Variants in PPP2CA observed in about 807,000 individuals in gnomAD.
PPP2CA encodes the protein serine/threonine-protein phosphatase 2A catalytic subunit alpha isoform.
Under a neutral mutation model 38.8 loss-of-function variants are expected in PPP2CA, and 5 were observed. That is an observed-to-expected ratio of 0.13 (90% CI 0.07 to 0.27). The LOEUF (loss-of-function observed/expected upper bound fraction) is 0.27. Ranked by LOEUF, PPP2CA falls within the 10% of genes least tolerant of loss-of-function variation. PPP2CA has a pLI of 1.00. For missense variants in PPP2CA, 88 were observed against 389.7 expected, an observed-to-expected ratio of 0.23 and a Z score of 6.52; for synonymous variants, 152 against 134.0, an observed-to-expected ratio of 1.13 and a Z score of -0.93.
At chr5:134,215,097 CTTTT>C (rs10715226) in intron 1 of PPP2CA, among the ~76,000 whole-genome samples, 2 of 124,548 alleles carry the variant, frequency 1.6e-5, no homozygotes, top group Non-Finnish European at 3.4e-5. Context: ...TATTTATTTA[CTTTT>C]TTTTTTTTTT....
chr5:134,204,705 C>T (rs779432137), intron 2 of PPP2CA, among the ~76,000 whole-genome samples: 3 of 151,988 alleles, frequency 2.0e-5, no homozygotes, highest in Non-Finnish European at 4.4e-5. Context: ...TGATCCTTCC[C>T]GCCTTCCCCA....
chr5:134,214,945 TA>T (rs1762284849), intron 1 of PPP2CA, among the ~76,000 whole-genome samples: 1 of 152,148 alleles, frequency 6.6e-6, no homozygotes, highest in African/African-American at 2.4e-5. Flanking sequence ...AGCTTCTTTT[TA>T]TATCAGCATC....
At chr5:134,218,669 C>CTTTTTTTTTTTTTTTTTTTT in intron 1 of PPP2CA, among the ~76,000 whole-genome samples, 1 of 144,456 alleles carries the variant, frequency 6.9e-6, no homozygotes, top group Non-Finnish European at 1.5e-5. Flanking sequence ...TTGTTTCTTT[C>CTTTTTTTTTTTTTTTTTTTT]TTTTTTTTTT....
chr5:134,220,408 G>A (rs552818356), intron 1 of PPP2CA, among the ~76,000 whole-genome samples: 30 of 121,128 alleles, frequency 2.5e-4, no homozygotes, highest in African/African-American at 7.0e-4. Context: ...GCAGTGAGCC[G>A]AGATCACACC....
rs2149381937 is a variant in PPP2CA at position 134,196,832 on chromosome 5, C to G, written c.*940G>C. 1 of 152,456 alleles carries G rather than the reference C, an allele frequency of 6.6e-6. No homozygotes were observed. Among genetic ancestry groups the G allele is most frequent in the Non-Finnish European group, 1.5e-5 (1 of 67,998 alleles). The allele number at this position is 152,456 out of a possible 1,614,324, so 9.4% of individuals were successfully genotyped here. Reference sequence around the variant, plus strand: ...GTCTTACTGAAGCAGCACAGATTTCCTTTCTTACAAACAAGTTAATATGCA... The same window carrying G: ...GTCTTACTGAAGCAGCACAGATTTCGTTTCTTACAAACAAGTTAATATGCA... On this transcript the variant is annotated 3_prime_UTR_variant, in exon 7 of 7. Coordinates refer to ENST00000481195, the MANE Select transcript of PPP2CA (RefSeq NM_002715.4).
At chr5:134,205,124 G>A (rs998789925) in intron 2 of PPP2CA, among the ~76,000 whole-genome samples, 6 of 151,780 alleles carry the variant, frequency 4.0e-5, no homozygotes, top group African/African-American at 1.4e-4. Flanking sequence ...TTGTAGACAA[G>A]GTCTCACTAT....
At chr5:134,224,719 C>G (rs1762525678) in intron 1 of PPP2CA, among the ~76,000 whole-genome samples, 1 of 152,186 alleles carries the variant, frequency 6.6e-6, no homozygotes, top group Admixed American at 6.5e-5. Flanking sequence ...CTACCTGTTT[C>G]CCCAACCCCC....
intron 1 of PPP2CA, among the ~76,000 whole-genome samples, chr5:134,212,150 C>T (rs929360074): frequency 1.3e-5 from 2 of 152,294 alleles, no homozygotes; most frequent in South Asian, 4.1e-4. Flanking sequence ...CACACAATAA[C>T]TACAGGCATG....
intron 1 of PPP2CA, among the ~76,000 whole-genome samples, chr5:134,214,442 T>C (rs1402986524): frequency 6.6e-6 from 1 of 152,252 alleles, no homozygotes; most frequent in Non-Finnish European, 1.5e-5. Flanking sequence ...ATTGTGGGAT[T>C]ACAGGGCAAA....
At chr5:134,223,672 C>G (rs955984252) in intron 1 of PPP2CA, among the ~76,000 whole-genome samples, 1 of 152,212 alleles carries the variant, frequency 6.6e-6, no homozygotes, top group Non-Finnish European at 1.5e-5. Flanking sequence ...GCTTCACCCA[C>G]CCCACTCTAG....
Position 134,200,285 on chromosome 5 carries a change from T to C in PPP2CA, c.738+50A>G, listed in dbSNP as rs1488865937. ...ATTTAAAACTCCCTAATATCTTCTT[T>C]CCTTAAGTTTACTAAAAAAACAAGT... On this transcript the variant is annotated intron_variant, in intron 5 of 6. Transcript: ENST00000481195. 12 of 1,537,140 alleles carry C rather than the reference T, an allele frequency of 7.8e-6. No homozygotes were observed. The South Asian group carries it at 1.1e-4, about 15-fold the overall frequency.
At chr5:134,203,584 C>G (rs1762012400) in intron 2 of PPP2CA, 1 of 152,238 alleles carries the variant, frequency 6.6e-6, no homozygotes, top group Admixed American at 6.5e-5. Context: ...ATACCACTTA[C>G]ACTGGATTAG....
intron 1 of PPP2CA, among the ~76,000 whole-genome samples, chr5:134,215,617 G>C (rs1762300417): frequency 2.0e-5 from 3 of 152,100 alleles, no homozygotes; most frequent in Middle Eastern, 6.8e-3. Context: ...TAAAAATTTT[G>C]TTGTAGAGAC....
chr5:134,217,307 G>C (rs1029316698), intron 1 of PPP2CA, among the ~76,000 whole-genome samples: 1 of 151,978 alleles, frequency 6.6e-6, no homozygotes, highest in African/African-American at 2.4e-5. Flanking sequence ...AAAGAAGTCT[G>C]ATTATTAATT....
chr5:134,205,457 C>T (rs1762062107), intron 2 of PPP2CA, among the ~76,000 whole-genome samples: 1 of 151,494 alleles, frequency 6.6e-6, no homozygotes, highest in African/African-American at 2.4e-5. Flanking sequence ...TCTCAGCTCA[C>T]TGCAACCTCC....
In PPP2CA at chr5:134,213,372, G is replaced by A. The variant is rs959511166; in HGVS notation, c.103-7241C>T. On this transcript the variant is annotated intron_variant, in intron 1 of 6. Transcript: ENST00000481195. ...ATGACAGCACATCTGCTTACAGCAC[G>A]GTATACTGAATATTTTAAGTGCATT... Among the ~76,000 whole-genome samples the A allele has an allele frequency of 2.2e-4, 33 of 151,876 alleles. No individual in the cohort carries two copies. In the East Asian group the frequency reaches 2.5e-3, roughly 12 times the overall value.
intron 1 of PPP2CA, among the ~76,000 whole-genome samples, chr5:134,217,213 G>A (rs554727851): frequency 6.6e-6 from 1 of 152,280 alleles, no homozygotes; most frequent in East Asian, 1.9e-4. Context: ...CTGGAAGGTG[G>A]AGGTGGCGGT....
rs181332167 is a variant in PPP2CA, at chr5:134,223,391, G to A, written c.102+2369C>T. On this transcript the variant is annotated intron_variant, in intron 1 of 6. Transcript: ENST00000481195. ...ATGGATTCTACATACCCAAAAAACTGTCTTCAAATTAATTTAGTTTGGAAG... is the reference window on the plus strand; with the variant it reads ...ATGGATTCTACATACCCAAAAAACTATCTTCAAATTAATTTAGTTTGGAAG... 2.0e-3 allele frequency among the ~76,000 whole-genome samples: 304 copies of A among 152,218 alleles called. 3 individuals carry two copies. The highest frequency in any genetic ancestry group is 5.4e-4 in the Non-Finnish European group (37 of 68,004).
intron 4 of PPP2CA, 66 bp from the exon 5 acceptor site, chr5:134,200,562 T>A: frequency 1.3e-6 from 2 of 1,549,532 alleles, no homozygotes; most frequent in Non-Finnish European, 1.8e-6. Context: ...TTTGAGTAAT[T>A]CATCAGAAGC....
Sources: allele counts gnomAD v4.1 joint callset (sites outside exome capture counted in the v4.1 genomes callset), GRCh38; gene constraint gnomAD v4.1.1; transcripts MANE v1.5; gene names NCBI Gene and HGNC (gene_info 2026-07-23, HGNC 2026-07-21).